The following ZBTB48 variants were observed in gnomAD, a reference collection of about 807,000 sequenced individuals.
ZBTB48 encodes the protein zinc finger and BTB domain containing 48.
A neutral mutation model predicts 64.5 loss-of-function variants in ZBTB48; 35 were observed. The ratio of observed to expected loss-of-function variants is 0.54; its 90% CI spans 0.41 to 0.72. The LOEUF is 0.72. Ranked by LOEUF, ZBTB48 falls within the 30% of genes least tolerant of loss-of-function variation. The pLI is 0.00. For missense variants in ZBTB48, 828 were observed against 895.3 expected, an observed-to-expected ratio of 0.92 and a Z score of 0.96; for synonymous variants, 442 against 356.7, an observed-to-expected ratio of 1.24 and a Z score of -2.70.
intron 2 of ZBTB48, 73 bp from the exon 3 acceptor site, chr1:6,581,985 G>A: frequency 6.3e-7 from 1 of 1,587,290 alleles, no homozygotes; most frequent in Non-Finnish European, 8.6e-7. Context: ...GGATGGAACT[G>A]GAGCTGGGTC....
rs1238867150 is a variant in ZBTB48 at position 6,586,746 on chromosome 1, C to T, written c.1096C>T (p.Arg366Trp). 6 of 1,593,886 alleles carry T rather than the reference C, an allele frequency of 3.8e-6. No individual in the cohort carries two copies. Among genetic ancestry groups the T allele is most frequent in the South Asian group, 2.2e-5 (2 of 89,094 alleles). The change falls in exon 5 of 11, where the codon CGG becomes TGG. Residue 366 changes from arginine (R) to tryptophan (W), a missense_variant. By Grantham distance (101) the Arg-to-Trp change is moderately radical. Transcript: ENST00000377674. The stretch of plus-strand genomic sequence containing the variant: ...GACATTCCGCCGAAGGATGGAGCTG[C>T]GGGTGCACATGGTGTCTCACACAGG... ...QETFRRRMEL[R>W]VHMVSHTGEM...
Position 6,580,993 on chromosome 1 carries a change from T to C in ZBTB48, c.384T>C (p.Ser128=), listed in dbSNP as rs1570153339. Residue 128 remains serine (S), a synonymous_variant, in exon 2 of 11, where the codon AGT becomes AGC. Coordinates refer to ENST00000377674, the MANE Select transcript of ZBTB48 (RefSeq NM_005341.4). This position sits in a 1 kb window ranked among gnomAD's most constrained non-coding sequence, Gnocchi z 5.2. ...TGGGACAGGCAGCAGGTGGCCAGAG[T>C]GGGCTGGGGCCCCCTGCCTCCCAGA... ...TSVGQAAGGQ[S]GLGPPASQNV... 1.2e-6 allele frequency: 2 copies of C among 1,613,402 alleles called. No individual in the cohort carries two copies. The highest frequency in any genetic ancestry group is 1.7e-6 in the Non-Finnish European group (2 of 1,179,986).
At position 6,588,384 on chromosome 1, in the gene ZBTB48, C is replaced by T. The variant is rs1361431393; in HGVS notation, c.1623C>T (p.Ala541=). ...TEKGPLLRHV[A]SRHQEGRPHF... is the part of the protein sequence containing the mutation. ...AGGGGCCCCTCCTGAGGCACGTGGCCAGCCGCCATCAGGAGGGCCGGCCCC... is the reference window on the plus strand; with the variant it reads ...AGGGGCCCCTCCTGAGGCACGTGGCTAGCCGCCATCAGGAGGGCCGGCCCC... The change falls in exon 9 of 11, where the codon GCC becomes GCT. Residue 541 remains alanine, a synonymous_variant. Coordinates refer to ENST00000377674, the MANE Select transcript of ZBTB48 (RefSeq NM_005341.4). The T allele has an allele frequency of 1.3e-6, 2 of 1,590,490 alleles. No homozygotes were observed. The highest frequency in any genetic ancestry group is 1.7e-6 in the Non-Finnish European group (2 of 1,165,326).
Position 6,584,102 on chromosome 1 carries a change from T to C in ZBTB48, c.932+1803T>C, listed in dbSNP as rs1640574119. 6.7e-6 allele frequency among the ~76,000 whole-genome samples: 1 copy of C among 149,098 alleles called. No individual in the cohort carries two copies. Among genetic ancestry groups the C allele is most frequent in the Non-Finnish European group, 1.5e-5 (1 of 67,442 alleles). On this transcript the variant is annotated intron_variant, in intron 3 of 10. Coordinates refer to ENST00000377674, the MANE Select transcript of ZBTB48 (RefSeq NM_005341.4). This position sits in a 1 kb window ranked among gnomAD's most constrained non-coding sequence, Gnocchi z 4.5. The stretch of plus-strand genomic sequence containing the variant: ...CAGCCATTTTTTTACTTTTTAGTAG[T>C]GATGGGTTTCACCATATTGGCCAGG...
In ZBTB48 at chr1:6,586,020, G is replaced by A. The variant is rs1242182787; in HGVS notation, c.1034G>A (p.Arg345His). ...LEHEARNCMN[R>H]SEQVFTCSVC... ...CATGAAGCCCGGAATTGCATGAACCGCTCGGAACAGGTACTTGGGAGCTGG... is the reference window on the plus strand; with the variant it reads ...CATGAAGCCCGGAATTGCATGAACCACTCGGAACAGGTACTTGGGAGCTGG... Residue 345 changes from arginine (R) to histidine (H), a missense_variant, in exon 4 of 11, where the codon CGC becomes CAC. Arg to His is a conservative substitution (Grantham distance 29). Transcript: ENST00000377674. 1.9e-6 allele frequency: 3 copies of A among 1,613,964 alleles called. No individual in the cohort carries two copies. The highest frequency in any genetic ancestry group is 1.3e-5 in the African/African-American group (1 of 74,914).
At position 6,581,311 on chromosome 1, in the gene ZBTB48, A is replaced by C; in HGVS notation, c.690+12A>C. The C allele has an allele frequency of 6.3e-7, 1 of 1,583,636 alleles. No individual in the cohort carries two copies. Among genetic ancestry groups the C allele is most frequent in the Non-Finnish European group, 8.6e-7 (1 of 1,166,386 alleles). ...GCGGCAGTAATGAGGTACTGTGCCC[A>C]GGGTGTTGGGACTGGGGAGACAAAT... On this transcript the variant is annotated intron_variant, in intron 2 of 10. Coordinates refer to ENST00000377674, the MANE Select transcript of ZBTB48 (RefSeq NM_005341.4).
chr1:6,587,674 C>T (rs939798692), intron 7 of ZBTB48, 42 bp downstream of exon 7: 12 of 1,607,756 alleles, frequency 7.5e-6, no homozygotes, highest in Non-Finnish European at 8.5e-6. Flanking sequence ...GTCCTGCTGC[C>T]AGCCCAGGCT....
At position 6,580,407 on chromosome 1, in the gene ZBTB48, C is replaced by G; in HGVS notation, c.-69-134C>G. On this transcript the variant is annotated intron_variant, in intron 1 of 10. Coordinates refer to ENST00000377674, the MANE Select transcript of ZBTB48 (RefSeq NM_005341.4). The surrounding 1 kb of genome is among the most constrained non-coding windows in gnomAD (Gnocchi z 5.2). ...ATCCCCCCTGGCCAATCCAATATGG[C>G]CCCCGGCCCCCGGGAGGCTGTCAGT... 1.7e-6 allele frequency: 1 copy of G among 605,786 alleles called. No homozygotes were observed. Among genetic ancestry groups the G allele is most frequent in the Non-Finnish European group, 2.9e-6 (1 of 347,604 alleles). 37.5% of individuals were successfully genotyped at this position (605,786 alleles called of 1,614,324 possible).
intron 3 of ZBTB48, chr1:6,585,654 T>C (rs1245111593): frequency 4.2e-6 from 2 of 472,860 alleles, no homozygotes. Flanking sequence ...TCAGACAGAA[T>C]GCGGTCAGCT....
chr1:6,580,202 G>T lies in ZBTB48; in HGVS notation c.-70+66G>T. Reference sequence around the variant, plus strand: ...CGCCGTGGCTGCCTTCCGCTCGGCCGCTCGGGACCTGTGGGCGCGGCGTGG... The same window carrying T: ...CGCCGTGGCTGCCTTCCGCTCGGCCTCTCGGGACCTGTGGGCGCGGCGTGG... On this transcript the variant is annotated intron_variant, in intron 1 of 10. Transcript: ENST00000377674. This position sits in a 1 kb window ranked among gnomAD's most constrained non-coding sequence, Gnocchi z 5.2. 5.0e-6 allele frequency: 1 copy of T among 199,002 alleles called. No homozygotes were observed. Among genetic ancestry groups the T allele is most frequent in the East Asian group, 1.4e-4 (1 of 7,246 alleles). 12.3% of individuals were successfully genotyped at this position (199,002 alleles called of 1,614,324 possible). A position where few individuals can be genotyped will look rare whatever the true frequency, so the allele number is the denominator to read the frequency against.
Position 6,585,905 on chromosome 1 carries a change from G to A in ZBTB48, c.933-14G>A. 1 of 1,613,634 alleles carries A rather than the reference G, an allele frequency of 6.2e-7. No homozygotes were observed. Among genetic ancestry groups the A allele is most frequent in the South Asian group, 1.1e-5 (1 of 91,080 alleles). ...CCCTCTCAGCCCCCCCACCCCTGTG[G>A]CTTCTCCTGGCAGGAAACATACTGG... On this transcript the variant is annotated splice_polypyrimidine_tract_variant and intron_variant, in intron 3 of 10. Transcript: ENST00000377674.
At position 6,585,899 on chromosome 1, in the gene ZBTB48, CCT is replaced by C. The variant is rs746120767; in HGVS notation, c.933-19_933-18del. On this transcript the variant is annotated intron_variant, in intron 3 of 10. Transcript: ENST00000377674. Reference sequence around the variant, plus strand: ...GGGAAACCCTCTCAGCCCCCCCACCCCTGTGGCTTCTCCTGGCAGGAAACATA... The same window carrying C: ...GGGAAACCCTCTCAGCCCCCCCACCCGTGGCTTCTCCTGGCAGGAAACATA... The C allele has an allele frequency of 1.6e-5, 25 of 1,612,600 alleles. No homozygotes were observed. Among genetic ancestry groups the C allele is most frequent in the Admixed American group, 3.3e-5 (2 of 60,022 alleles).
Position 6,582,085 on chromosome 1 carries a change from G to A in ZBTB48, c.718G>A (p.Asp240Asn). The A allele has an allele frequency of 1.2e-6, 2 of 1,614,180 alleles. No individual in the cohort carries two copies. Among genetic ancestry groups the A allele is most frequent in the Non-Finnish European group, 1.7e-6 (2 of 1,180,028 alleles). The change falls in exon 3 of 11, where the codon GAT becomes AAT. Residue 240 changes from aspartate (D) to asparagine (N), a missense_variant. By Grantham distance (23) the Asp-to-Asn change is conservative (BLOSUM62 1). Transcript: ENST00000377674. ...GGAAGTGGTGGTTCAAGTGGAGGAT[G>A]ATGGGGATGGCGATTACATGTCTGA... ...EWEVVVQVED[D>N]GDGDYMSEPE...
In ZBTB48 at chr1:6,580,626, T is replaced by C. The variant is rs776028613; in HGVS notation, c.17T>C (p.Val6Ala). The change falls in exon 2 of 11, where the codon GTC becomes GCC. Residue 6 changes from valine (V) to alanine (A), a missense_variant. Physicochemically the swap from Val to Ala is moderately conservative, Grantham distance 64. Transcript: ENST00000377674. This position sits in a 1 kb window ranked among gnomAD's most constrained non-coding sequence, Gnocchi z 5.2. MDGSF[V>A]QHSVRVLQEL... ...CTCCAGACCATGGACGGCTCCTTCG[T>C]CCAGCACAGTGTGAGGGTTCTGCAG... 2 of 1,613,440 alleles carry C rather than the reference T, an allele frequency of 1.2e-6. No individual in the cohort carries two copies. Among genetic ancestry groups the C allele is most frequent in the Non-Finnish European group, 1.7e-6 (2 of 1,179,784 alleles).
rs1241247733 is a variant in ZBTB48, at chr1:6,580,955, C to T, written c.346C>T (p.Pro116Ser). Residue 116 changes from proline to serine, a missense_variant, in exon 2 of 11, where the codon CCC (proline) becomes TCC (serine). Physicochemically the swap from Pro to Ser is moderately conservative, Grantham distance 74. Transcript: ENST00000377674. This position sits in a 1 kb window ranked among gnomAD's most constrained non-coding sequence, Gnocchi z 5.2. ...CGTAGAGCTGTGCCAGAGCTTCAAG[C>T]CCAAAACTTCAGTGGGACAGGCAGC... Reference protein sequence around the residue: ...EAVELCQSFKPKTSVGQAAGG... With the variant: ...EAVELCQSFKSKTSVGQAAGG... 2 of 1,613,934 alleles carry T rather than the reference C, an allele frequency of 1.2e-6. No individual in the cohort carries two copies. The highest frequency in any genetic ancestry group is 1.7e-6 in the Non-Finnish European group (2 of 1,180,038).
In ZBTB48 at chr1:6,581,010, C is replaced by T. The variant is rs752168160; in HGVS notation, c.401C>T (p.Ala134Val). 34 of 1,613,310 alleles carry T rather than the reference C, an allele frequency of 2.1e-5. No individual in the cohort carries two copies. Among genetic ancestry groups the T allele is most frequent in the African/African-American group, 1.3e-5 (1 of 74,930 alleles). The change falls in exon 2 of 11, where the codon GCC (alanine) becomes GTC (valine). Residue 134 changes from alanine to valine, a missense_variant. By Grantham distance (64) the Ala-to-Val change is moderately conservative. Coordinates refer to ENST00000377674, the MANE Select transcript of ZBTB48 (RefSeq NM_005341.4). ...GGCCAGAGTGGGCTGGGGCCCCCTGCCTCCCAGAATGTGAACAGCCACGTC... is the reference window on the plus strand; with the variant it reads ...GGCCAGAGTGGGCTGGGGCCCCCTGTCTCCCAGAATGTGAACAGCCACGTC... The part of the protein sequence containing the change: ...AGGQSGLGPP[A>V]SQNVNSHVKE...
At chr1:6,586,070 AC>A (rs774333622) in intron 4 of ZBTB48, 40 bp downstream of exon 4, 4 of 1,596,686 alleles carry the variant, frequency 2.5e-6, no homozygotes, top group Non-Finnish European at 3.4e-6. Flanking sequence ...GGCAGGGCAC[AC>A]TGGCCTCTCT....
Position 6,588,097 on chromosome 1 carries a change from G to C in ZBTB48, c.1417G>C (p.Ala473Pro). ...ACACGTATGTGAGTTCTGCAGCCAC[G>C]CCTTCACCCAAAAGGCCAATCTCAA... ...RPHVCEFCSH[A>P]FTQKANLNMH... Residue 473 changes from alanine to proline, a missense_variant, in exon 8 of 11, where the codon GCC becomes CCC. Ala to Pro is a conservative substitution (Grantham distance 27). Transcript: ENST00000377674. 6.2e-7 allele frequency: 1 copy of C among 1,614,082 alleles called. No individual in the cohort carries two copies. Among genetic ancestry groups the C allele is most frequent in the Non-Finnish European group, 8.5e-7 (1 of 1,180,018 alleles).
At chr1:6,588,593 G>A (rs1460573296) in intron 9 of ZBTB48, 151 bp downstream of exon 9, 1 of 1,445,444 alleles carries the variant, frequency 6.9e-7, no homozygotes, top group East Asian at 2.5e-5. Context: ...GGGGTGTCCT[G>A]TGCAGTAGTG....
Sources: gnomAD v4.1 joint callset for allele counts (sites outside exome capture counted in the v4.1 genomes callset) on GRCh38, gnomAD v4.1.1 for gene constraint, Gnocchi (gnomAD v3.1) non-coding constraint, MANE v1.5 for transcripts, NCBI Gene and HGNC (gene_info 2026-07-23, HGNC 2026-07-21) for gene names.